Variants in PTK2 observed in about 807,000 individuals in gnomAD.
PTK2 encodes focal adhesion kinase 1.
Under a neutral mutation model 150.1 loss-of-function variants are expected in PTK2, and 45 were observed. The ratio of observed to expected loss-of-function variants is 0.30; its 90% CI spans 0.24 to 0.38. PTK2 has a LOEUF of 0.38. PTK2 is among the 10% of genes least tolerant of loss of function. PTK2 has a pLI of 1.00. For missense variants in PTK2, 919 were observed against 1,307.3 expected, an observed-to-expected ratio of 0.70 and a Z score of 4.58; for synonymous variants, 432 against 449.2, an observed-to-expected ratio of 0.96 and a Z score of 0.48.
intron 31 of PTK2, chr8:140,663,100 A>C (rs1470235378): frequency 4.6e-6 from 1 of 217,556 alleles, no homozygotes; most frequent in Non-Finnish European, 9.0e-6. Flanking sequence ...AAGTTCCAGA[A>C]TGTGGTGATT....
intron 24 of PTK2, among the ~76,000 whole-genome samples, chr8:140,702,953 G>A (rs1342990955): frequency 6.6e-6 from 1 of 152,186 alleles, no homozygotes; most frequent in Non-Finnish European, 1.5e-5. Flanking sequence ...ATCTGAGTGA[G>A]TCCAGTGTAA....
intron 16 of PTK2, among the ~76,000 whole-genome samples, chr8:140,755,298 C>T (rs2100064984): frequency 6.6e-6 from 1 of 152,298 alleles, no homozygotes; most frequent in South Asian, 2.1e-4. Context: ...TTCATGTTTA[C>T]TGACTCTCAG....
Position 140,967,419 on chromosome 8 carries a change from C to T in PTK2, c.-122+33706G>A, listed in dbSNP as rs562229742. Among the ~76,000 whole-genome samples, 5 of 151,374 alleles carry T rather than the reference C, an allele frequency of 3.3e-5. No individual in the cohort carries two copies. In the East Asian group the frequency reaches 7.8e-4, roughly 23 times the overall value. Reference sequence around the variant, plus strand: ...GAAAATGTCTGTTTGATGCTAAGTGCTAAATAAGGCTCAAACCCAGTATTT... The same window carrying T: ...GAAAATGTCTGTTTGATGCTAAGTGTTAAATAAGGCTCAAACCCAGTATTT... On this transcript the variant is annotated intron_variant, in intron 1 of 31. Coordinates refer to ENST00000522684, the Ensembl canonical transcript of PTK2.
intron 4 of PTK2, among the ~76,000 whole-genome samples, chr8:140,872,526 C>T (rs1290748013): frequency 1.3e-5 from 2 of 152,190 alleles, no homozygotes; most frequent in Non-Finnish European, 1.5e-5. Flanking sequence ...AGGTAAGCTC[C>T]CACCTGCCCC....
intron 26 of PTK2, among the ~76,000 whole-genome samples, chr8:140,694,359 A>G (rs181317792): frequency 2.2e-3 from 342 of 152,176 alleles, no homozygotes; most frequent in Non-Finnish European, 3.7e-3. Context: ...ATCTTTAGAC[A>G]TTTTTATAGC....
At chr8:140,861,431 G>T (rs1374499305) in intron 5 of PTK2, among the ~76,000 whole-genome samples, 1 of 152,124 alleles carries the variant, frequency 6.6e-6, no homozygotes, top group East Asian at 1.9e-4. Context: ...AAGACAAGAA[G>T]AGAAACTGTA....
chr8:140,914,325 G>C lies in PTK2; in HGVS notation c.-33+11336C>G, dbSNP rs2100164335. On this transcript the variant is annotated intron_variant, in intron 2 of 31. Transcript: ENST00000522684. ...CCATTGAATTTACAATAAATTCCTT[G>C]CAGTTTAAACAATTATAGATGAATC... 2.0e-5 allele frequency among the ~76,000 whole-genome samples: 3 copies of C among 151,632 alleles called. No individual in the cohort carries two copies. In the South Asian group the frequency reaches 6.2e-4, roughly 31 times the overall value.
At position 140,879,702 on chromosome 8, in the gene PTK2, C is replaced by T. The variant is rs554214203; in HGVS notation, c.196-65G>A. On this transcript the variant is annotated intron_variant, in intron 3 of 31. Transcript: ENST00000522684. ...AAAAAAAAAAAAAAAAAAAAAAAAA[C>T]CAAAACAAAACAAAAACAAAACAAA... 77 of 663,256 alleles carry T rather than the reference C, an allele frequency of 1.2e-4. 1 individual carries two copies. The highest frequency in any genetic ancestry group is 1.4e-4 in the Non-Finnish European group (74 of 516,778). 41.1% of individuals were successfully genotyped at this position (663,256 alleles called of 1,614,324 possible).
chr8:140,974,990 C>T (rs566379490), intron 1 of PTK2, among the ~76,000 whole-genome samples: 2 of 152,328 alleles, frequency 1.3e-5, no homozygotes, highest in Admixed American at 6.5e-5. Flanking sequence ...TACTTAGTCA[C>T]GCCTGTAGAT....
At chr8:140,921,052 T>C in intron 2 of PTK2, 2 of 1,316,258 alleles carry the variant, frequency 1.5e-6, no homozygotes, top group Non-Finnish European at 1.9e-6. Flanking sequence ...AAGCAAAATT[T>C]GGAAGGTGTT....
rs1429836651 is a variant in PTK2 at position 140,846,671 on chromosome 8, C to T, written c.458G>A (p.Ser153Asn). 6 of 1,607,586 alleles carry T rather than the reference C, an allele frequency of 3.7e-6. No homozygotes were observed. Among genetic ancestry groups the T allele is most frequent in the Non-Finnish European group, 5.1e-6 (6 of 1,177,612 alleles). ...ATCAGCTATCTCTAACATATAATCG[C>T]TCTTCACCTACAACAAAAGGAATGG... Residue 153 changes from serine (S) to asparagine (N), a missense_variant, in exon 6 of 32, where the codon AGC becomes AAC. Physicochemically the swap from Ser to Asn is conservative, Grantham distance 46. This residue lies in a region of PTK2 where 555 missense variants were observed against 880.1 expected (regional missense o/e 0.63). Coordinates refer to ENST00000522684, the Ensembl canonical transcript of PTK2.
chr8:140,984,461 G>C (rs2100192582), intron 1 of PTK2, among the ~76,000 whole-genome samples: 1 of 152,160 alleles, frequency 6.6e-6, no homozygotes, highest in Non-Finnish European at 1.5e-5. Flanking sequence ...ATGCAAGTCT[G>C]AGCCCTTCCC....
chr8:140,890,216 A>C (rs2100153769), intron 3 of PTK2: 1 of 229,546 alleles, frequency 4.4e-6, no homozygotes, highest in Non-Finnish European at 8.4e-6. Context: ...TTATTTCATG[A>C]CTGTTAGAGG....
chr8:140,909,500 A>C (rs2100162247), intron 2 of PTK2: 1 of 152,220 alleles, frequency 6.6e-6, no homozygotes, highest in African/African-American at 2.4e-5. Context: ...TATCATGAAA[A>C]GCTTTATAGA....
At chr8:140,980,085 T>C (rs2100190841) in intron 1 of PTK2, among the ~76,000 whole-genome samples, 1 of 152,218 alleles carries the variant, frequency 6.6e-6, no homozygotes, top group Non-Finnish European at 1.5e-5. Context: ...CACTCCTAGA[T>C]ACATAGGCTA....
chr8:140,723,979 C>T (rs535582388), intron 22 of PTK2, among the ~76,000 whole-genome samples: 3 of 152,350 alleles, frequency 2.0e-5, no homozygotes, highest in Admixed American at 1.3e-4. Flanking sequence ...ATTCCCTATA[C>T]AACTTGATGG....
chr8:140,722,116 C>T (rs1314051985), intron 22 of PTK2, among the ~76,000 whole-genome samples: 1 of 152,160 alleles, frequency 6.6e-6, no homozygotes, highest in Admixed American at 6.5e-5. Context: ...AGCACATTAC[C>T]AAGCTTCCTG....
At chr8:140,978,204 G>T (rs562359990) in intron 1 of PTK2, among the ~76,000 whole-genome samples, 1 of 152,292 alleles carries the variant, frequency 6.6e-6, no homozygotes, top group African/African-American at 2.4e-5. Context: ...CATGGGCAAG[G>T]ACTTCATGTC....
intron 2 of PTK2, among the ~76,000 whole-genome samples, chr8:140,905,124 G>A (rs989434671): frequency 1.3e-5 from 2 of 152,000 alleles, no homozygotes; most frequent in South Asian, 2.1e-4. Flanking sequence ...TTCTCTTATG[G>A]ACATTTAGTG....
Sources: gnomAD v4.1 joint callset for allele counts (sites outside exome capture counted in the v4.1 genomes callset) on GRCh38, gnomAD v4.1.1 for gene constraint, gnomAD v4.1.1 regional missense constraint, MANE v1.5 for transcripts, NCBI Gene and HGNC (gene_info 2026-07-23, HGNC 2026-07-21) for gene names.